Variants in TBC1D24 observed in about 807,000 individuals in gnomAD.
The protein encoded by TBC1D24 is TBC1 domain family member 24, also known as Infantile myoclonic epilepsy.
A neutral mutation model predicts 50.7 loss-of-function variants in TBC1D24; 47 were observed. The ratio of observed to expected loss-of-function variants is 0.93; its 90% CI spans 0.73 to 1.18. The LOEUF (loss-of-function observed/expected upper bound fraction) is 1.18. TBC1D24 is among the 50% of genes most tolerant of loss of function. TBC1D24 has a pLI of 0.00. For synonymous variants in TBC1D24, 324 were observed against 335.2 expected, an observed-to-expected ratio of 0.97 and a Z score of 0.36; for missense variants, 688 against 766.5, an observed-to-expected ratio of 0.90 and a Z score of 1.21.
At chr16:2,489,413 C>G (rs947437334) in intron 1 of TBC1D24, among the ~76,000 whole-genome samples, 3 of 152,148 alleles carry the variant, frequency 2.0e-5, no homozygotes, top group Non-Finnish European at 4.4e-5. Context: ...GCTTGGGCGA[C>G]AGAGCCAGAC....
At chr16:2,497,138 G>A (rs2065750590) in intron 2 of TBC1D24, 25 bp downstream of exon 2, 2 of 1,599,110 alleles carry the variant, frequency 1.3e-6, no homozygotes, top group East Asian at 2.2e-5. Flanking sequence ...GCCTGTGAGG[G>A]GTACACCCAG....
At chr16:2,493,139 T>C (rs966797666) in intron 1 of TBC1D24, among the ~76,000 whole-genome samples, 1 of 151,160 alleles carries the variant, frequency 6.6e-6, no homozygotes, top group South Asian at 2.1e-4. Flanking sequence ...AATTTTTTGT[T>C]TGTTTGTTTG....
chr16:2,495,940 A>G (rs902086151), intron 1 of TBC1D24, 94 bp from the exon 2 acceptor site: 9 of 646,354 alleles, frequency 1.4e-5, no homozygotes, highest in Admixed American at 6.1e-5. Context: ...CCTGTCTCAA[A>G]AGAAAAGAAA....
rs1013871454 is a variant in TBC1D24, at chr16:2,485,639, C to T, written c.-115-10395C>T. The T allele has an allele frequency of 1.3e-5, 2 of 152,218 alleles. No homozygotes were observed. The highest frequency in any genetic ancestry group is 4.8e-5 in the African/African-American group (2 of 41,446). 9.4% of individuals were successfully genotyped at this position (152,218 alleles called of 1,614,324 possible). A position where few individuals can be genotyped will look rare whatever the true frequency, so the allele number is the denominator to read the frequency against. ...AGAGGCCTGGACTTCTGACTGGTGT[C>T]TGGAGACGTGGGGGGCTTGTGGGAT... On this transcript the variant is annotated intron_variant, in intron 1 of 7. Transcript: ENST00000646147. The surrounding 1 kb of genome is among the most constrained non-coding windows in gnomAD (Gnocchi z 4.6).
chr16:2,505,463 C>T lies in TBC1D24; in HGVS notation c.*4505C>T, dbSNP rs998527420. ...AAAAACATTGGCATTTGGTCAAATG[C>T]TTATGAGCTAAGGATAGAAGGGAAA... On this transcript the variant is annotated 3_prime_UTR_variant, in exon 8 of 8. Coordinates refer to ENST00000646147, the MANE Select transcript of TBC1D24 (RefSeq NM_001199107.2). The T allele has an allele frequency of 1.3e-5, 2 of 152,180 alleles. No homozygotes were observed. Among genetic ancestry groups the T allele is most frequent in the African/African-American group, 4.8e-5 (2 of 41,436 alleles). 9.4% of individuals were successfully genotyped at this position (152,180 alleles called of 1,614,324 possible). A position where few individuals can be genotyped will look rare whatever the true frequency, so the allele number is the denominator to read the frequency against.
chr16:2,497,990 C>A (rs1394443434), intron 3 of TBC1D24, among the ~76,000 whole-genome samples: 1 of 152,216 alleles, frequency 6.6e-6, no homozygotes. Context: ...GTCCTGATTT[C>A]TTAGAGAAAA....
rs1178806498 is a variant in TBC1D24, at chr16:2,487,313, T to G, written c.-115-8721T>G. Among the ~76,000 whole-genome samples, 1 of 152,096 alleles carries G rather than the reference T, an allele frequency of 6.6e-6. No homozygotes were observed. The highest frequency in any genetic ancestry group is 2.4e-5 in the African/African-American group (1 of 41,420). On this transcript the variant is annotated intron_variant, in intron 1 of 7. Coordinates refer to ENST00000646147, the MANE Select transcript of TBC1D24 (RefSeq NM_001199107.2). This position sits in a 1 kb window ranked among gnomAD's most constrained non-coding sequence, Gnocchi z 4.1. ...CCCTGGCACAGAGGCGGCACCTCAG[T>G]GGAGGTCTGTCATGTGACTAACTGC...
rs778088197 is a variant in TBC1D24, at chr16:2,499,942, C to T, written c.1302+12C>T. The T allele has an allele frequency of 6.2e-6, 10 of 1,611,716 alleles. No homozygotes were observed. The highest frequency in any genetic ancestry group is 5.1e-6 in the Non-Finnish European group (6 of 1,178,012). On this transcript the variant is annotated intron_variant, in intron 6 of 7. Transcript: ENST00000646147. This position sits in a 1 kb window ranked among gnomAD's most constrained non-coding sequence, Gnocchi z 4.0. ...GCTTTGTGTTTAGGGTGAGTGGGGC[C>T]AAGTGTCCCCAAACCCCCACGCAGA...
At chr16:2,494,854 T>G (rs2141869134) in intron 1 of TBC1D24, among the ~76,000 whole-genome samples, 1 of 152,242 alleles carries the variant, frequency 6.6e-6, no homozygotes, top group Admixed American at 6.5e-5. Flanking sequence ...TCACTTATCT[T>G]AAGTGGAAGC....
intron 1 of TBC1D24, chr16:2,481,698 G>T (rs2065611567): frequency 6.6e-6 from 1 of 152,290 alleles, no homozygotes; most frequent in Non-Finnish European, 1.5e-5. Flanking sequence ...GCCTTTGGGT[G>T]GACCGGACTA....
intron 1 of TBC1D24, among the ~76,000 whole-genome samples, chr16:2,489,364 G>A (rs911807452): frequency 6.0e-5 from 9 of 150,570 alleles, no homozygotes; most frequent in African/African-American, 1.7e-4. Context: ...CCCGGTAGGC[G>A]GAGTTTGCAG....
chr16:2,496,784 G>T lies in TBC1D24; in HGVS notation c.636G>T (p.Trp212Cys). The T allele has an allele frequency of 6.2e-7, 1 of 1,614,024 alleles. No homozygotes were observed. The highest frequency in any genetic ancestry group is 8.5e-7 in the Non-Finnish European group (1 of 1,180,048). ...ATGTCCTGCAGGTCTATGCGGACTG[G>T]CAGCGCTGGCTGTTTGGGGAGCTGC... ...SEDVLQVYAD[W>C]QRWLFGELPL... The change falls in exon 2 of 8, where the codon TGG becomes TGT. Residue 212 changes from tryptophan (W) to cysteine (C), a missense_variant. Physicochemically the swap from Trp to Cys is radical, Grantham distance 215. Transcript: ENST00000646147.
At chr16:2,484,617 CAGG>C (rs2065634860) in intron 1 of TBC1D24, 1 of 152,284 alleles carries the variant, frequency 6.6e-6, no homozygotes, top group African/African-American at 2.4e-5. Flanking sequence ...AGGAGGCACT[CAGG>C]AGAAGGTTCC....
rs1041407202 is a variant in TBC1D24, at chr16:2,502,900, G to A, written c.*1942G>A. 3 of 152,648 alleles carry A rather than the reference G, an allele frequency of 2.0e-5. No homozygotes were observed. Among genetic ancestry groups the A allele is most frequent in the Non-Finnish European group, 4.4e-5 (3 of 68,132 alleles). 9.5% of individuals were successfully genotyped at this position (152,648 alleles called of 1,614,324 possible). ...GCTGAGTCTGATCTCTTCAGCCAGA[G>A]GGGCCTCCGGGGGCTTCCTGGGCCT... On this transcript the variant is annotated 3_prime_UTR_variant, in exon 8 of 8. Transcript: ENST00000646147.
At position 2,487,682 on chromosome 16, in the gene TBC1D24, GC is replaced by G. The variant is rs1416100216; in HGVS notation, c.-115-8351del. ...CTGGAGTTTGGTGCTGGAGTTTGGTGCTGGAGTTTGGTGCTGGAGTTTGGTG... is the reference window on the plus strand; with the variant it reads ...CTGGAGTTTGGTGCTGGAGTTTGGTGTGGAGTTTGGTGCTGGAGTTTGGTG... On this transcript the variant is annotated intron_variant, in intron 1 of 7. Coordinates refer to ENST00000646147, the MANE Select transcript of TBC1D24 (RefSeq NM_001199107.2). This position sits in a 1 kb window ranked among gnomAD's most constrained non-coding sequence, Gnocchi z 4.1. 1.8e-4 allele frequency among the ~76,000 whole-genome samples: 27 copies of G among 152,150 alleles called. No homozygotes were observed. In the East Asian group the frequency reaches 4.6e-3, roughly 26 times the overall value.
chr16:2,503,951 T>C lies in TBC1D24; in HGVS notation c.*2993T>C, dbSNP rs1476413787. 6.6e-6 allele frequency: 1 copy of C among 152,224 alleles called. No homozygotes were observed. Among genetic ancestry groups the C allele is most frequent in the Non-Finnish European group, 1.5e-5 (1 of 68,034 alleles). The allele number at this position is 152,224 out of a possible 1,614,324, so 9.4% of individuals were successfully genotyped here. On this transcript the variant is annotated 3_prime_UTR_variant, in exon 8 of 8. Coordinates refer to ENST00000646147, the MANE Select transcript of TBC1D24 (RefSeq NM_001199107.2). ...AACAATTGCACCTAATTTAAAATAGTTTATTAAATGAATTCATTAAAGCAG... is the reference window on the plus strand; with the variant it reads ...AACAATTGCACCTAATTTAAAATAGCTTATTAAATGAATTCATTAAAGCAG...
intron 1 of TBC1D24, chr16:2,478,139 G>A (rs2065583145): frequency 6.6e-6 from 1 of 152,374 alleles, no homozygotes; most frequent in South Asian, 2.1e-4. Context: ...CACACCCAGA[G>A]AGACATCAGC....
intron 1 of TBC1D24, among the ~76,000 whole-genome samples, chr16:2,476,257 A>C (rs940004545): frequency 6.6e-6 from 1 of 152,224 alleles, no homozygotes; most frequent in Non-Finnish European, 1.5e-5. Flanking sequence ...CTCAGCACAC[A>C]GTAGGCACCT....
chr16:2,501,329 A>C lies in TBC1D24; in HGVS notation c.*371A>C. On this transcript the variant is annotated 3_prime_UTR_variant, in exon 8 of 8. Transcript: ENST00000646147. ...GCCTGAGCCCCTGGGGTGGGAGTAC[A>C]ACGGCAGTGGGAACGTGCAGCTAAG... 3.4e-6 allele frequency: 1 copy of C among 297,796 alleles called. No homozygotes were observed. Among genetic ancestry groups the C allele is most frequent in the Non-Finnish European group, 6.5e-6 (1 of 153,708 alleles). 18.4% of individuals were successfully genotyped at this position (297,796 alleles called of 1,614,324 possible). A position where few individuals can be genotyped will look rare whatever the true frequency, so the allele number is the denominator to read the frequency against.
Sources: gnomAD v4.1 joint callset for allele counts (sites outside exome capture counted in the v4.1 genomes callset) on GRCh38, gnomAD v4.1.1 for gene constraint, Gnocchi (gnomAD v3.1) non-coding constraint, MANE v1.5 for transcripts, NCBI Gene and HGNC (gene_info 2026-07-23, HGNC 2026-07-21) for gene names.